CLEC9A: variants seen among roughly 807,000 people sequenced by gnomAD.
CLEC9A encodes the protein C-type lectin domain family 9 member A.
A neutral mutation model predicts 30.0 loss-of-function variants in CLEC9A; 24 were observed. The ratio of observed to expected loss-of-function variants is 0.80; its 90% CI spans 0.58 to 1.13. The LOEUF (loss-of-function observed/expected upper bound fraction) is 1.13. Among genes scored for constraint, CLEC9A ranks in the 50% most tolerant of loss-of-function variants. The probability of loss-of-function intolerance (pLI) is 0.00; values close to 1 mark genes in which losing one functional copy is unlikely to be tolerated. For missense variants in CLEC9A, 251 were observed against 280.9 expected, an observed-to-expected ratio of 0.89 and a Z score of 0.76; for synonymous variants, 111 against 96.8, an observed-to-expected ratio of 1.15 and a Z score of -0.86.
rs1386877211 is a variant in CLEC9A, at chr12:10,052,760, T to C, written c.73T>C (p.Ser25Pro). The change falls in exon 4 of 9, where the codon TCT becomes CCT. Residue 25 changes from serine (S) to proline (P), a missense_variant. Transcript: ENST00000355819. ...PAPDTYQKCL[S>P]SNKCSGACCL... ...ACCAGACACTTACCAGAAATGTCTG[T>C]CTTCCAACAAATGTTCAGGTAACCA... is the stretch of plus-strand genomic sequence containing the variant. 1 of 1,613,574 alleles carries C rather than the reference T, an allele frequency of 6.2e-7. No individual in the cohort carries two copies.
intron 2 of CLEC9A, among the ~76,000 whole-genome samples, chr12:10,041,920 T>TA (rs1469856711): frequency 1.3e-5 from 2 of 152,236 alleles, no homozygotes. Flanking sequence ...TGTCCTGTGT[T>TA]GTTCTAACTT....
At chr12:10,046,658 A>G (rs10505747) in intron 2 of CLEC9A, among the ~76,000 whole-genome samples, 7,273 of 152,270 alleles carry the variant, frequency 0.048, 426 homozygotes, top group African/African-American at 0.14. Flanking sequence ...CAATTTATAA[A>G]CATGATTCTC....
chr12:10,044,467 A>G (rs538068378), intron 2 of CLEC9A, among the ~76,000 whole-genome samples: 26 of 152,292 alleles, frequency 1.7e-4, no homozygotes, highest in African/African-American at 6.3e-4. Context: ...CTCATTCACA[A>G]TATTGCAGAC....
chr12:10,055,928 G>T (rs1385597223), intron 5 of CLEC9A, among the ~76,000 whole-genome samples: 1 of 151,322 alleles, frequency 6.6e-6, no homozygotes, highest in Non-Finnish European at 1.5e-5. Flanking sequence ...GAGTGGTGGG[G>T]TGCGCCTGTA....
intron 2 of CLEC9A, among the ~76,000 whole-genome samples, chr12:10,042,785 C>T (rs1865808904): frequency 6.6e-6 from 1 of 152,184 alleles, no homozygotes; most frequent in Admixed American, 6.5e-5. Flanking sequence ...CTATAGGGAA[C>T]ATTTTATAGG....
chr12:10,054,078 T>C (rs181433443), intron 4 of CLEC9A, among the ~76,000 whole-genome samples, 193 bp from the exon 5 acceptor site: 1 of 152,356 alleles, frequency 6.6e-6, no homozygotes, highest in Non-Finnish European at 1.5e-5. Context: ...ATATTCCAAG[T>C]TATGAGTTGT....
Position 10,065,877 on chromosome 12 carries a change from A to G in CLEC9A, c.*245A>G. 2.6e-6 allele frequency: 1 copy of G among 385,338 alleles called. No individual in the cohort carries two copies. Among genetic ancestry groups the G allele is most frequent in the Admixed American group, 4.3e-5 (1 of 23,106 alleles). The allele number at this position is 385,338 out of a possible 1,614,324, so 23.9% of individuals were successfully genotyped here. ...ACAGAAGACAAAACCCTGAAGAGTT[A>G]AGAACAAACGCAAGGAAATAATTTT... On this transcript the variant is annotated 3_prime_UTR_variant, in exon 9 of 9. Transcript: ENST00000355819.
chr12:10,059,903 C>T (rs995034322), intron 5 of CLEC9A, among the ~76,000 whole-genome samples: 2 of 152,016 alleles, frequency 1.3e-5, no homozygotes, highest in Non-Finnish European at 1.5e-5. Flanking sequence ...CATGAAAAGA[C>T]GTTTCACCAG....
At chr12:10,038,424 A>G (rs1865761616) in intron 1 of CLEC9A, among the ~76,000 whole-genome samples, 1 of 152,260 alleles carries the variant, frequency 6.6e-6, no homozygotes, top group Non-Finnish European at 1.5e-5. Flanking sequence ...AAATATGTAC[A>G]AGCTATGCCA....
intron 4 of CLEC9A, 100 bp downstream of exon 4, chr12:10,052,878 A>G: frequency 7.5e-7 from 1 of 1,328,994 alleles, no homozygotes; most frequent in African/African-American, 1.5e-5. Context: ...AATCCGAGAT[A>G]ATCTACCTAA....
At chr12:10,038,083 G>C (rs1386666938) in intron 1 of CLEC9A, among the ~76,000 whole-genome samples, 1 of 152,164 alleles carries the variant, frequency 6.6e-6, no homozygotes, top group Non-Finnish European at 1.5e-5. Context: ...CTTACGACTG[G>C]GAACCACTGA....
At chr12:10,065,299 T>C (rs1310668071) in intron 8 of CLEC9A, among the ~76,000 whole-genome samples, 1 of 152,216 alleles carries the variant, frequency 6.6e-6, no homozygotes, top group Admixed American at 6.5e-5. Flanking sequence ...TTTCTTTACA[T>C]GCTGTTTTTG....
intron 2 of CLEC9A, among the ~76,000 whole-genome samples, chr12:10,051,661 G>T (rs1053639269): frequency 3.3e-5 from 5 of 152,124 alleles, no homozygotes; most frequent in African/African-American, 1.2e-4. Context: ...GTGTAATTTT[G>T]CATATTATTG....
intron 5 of CLEC9A, among the ~76,000 whole-genome samples, chr12:10,059,805 A>G (rs1031146994): frequency 1.3e-5 from 2 of 152,212 alleles, no homozygotes; most frequent in African/African-American, 4.8e-5. Context: ...GTAAATCAAT[A>G]TCTGACAAAG....
In CLEC9A at chr12:10,030,852, G is replaced by A. The variant is rs774015715; in HGVS notation, c.-438G>A. On this transcript the variant is annotated 5_prime_UTR_variant, in exon 1 of 9. The change creates a new upstream start codon in the 5' untranslated region. Coordinates refer to ENST00000355819, the MANE Select transcript of CLEC9A (RefSeq NM_207345.4). ...CAGATGATTAAACCCAGCCATTTATGTGACAATAGCATTTTTATTTTTCTT... is the reference window on the plus strand; with the variant it reads ...CAGATGATTAAACCCAGCCATTTATATGACAATAGCATTTTTATTTTTCTT... The A allele has an allele frequency of 2.0e-5, 3 of 152,232 alleles. No homozygotes were observed. The highest frequency in any genetic ancestry group is 1.9e-4 in the East Asian group (1 of 5,206). The allele number at this position is 152,232 out of a possible 1,614,324, so 9.4% of individuals were successfully genotyped here. A position where few individuals can be genotyped will look rare whatever the true frequency, so the allele number is the denominator to read the frequency against.
Position 10,034,133 on chromosome 12 carries a change from ACAC to A in CLEC9A, c.-318+3162_-318+3164del, listed in dbSNP as rs575688837. ...GCTGATTGATTCAAATCCTGGATCAACACTTACTTGCCCTGTGGCTTTTGGCAA... is the reference window on the plus strand; with the variant it reads ...GCTGATTGATTCAAATCCTGGATCAATTACTTGCCCTGTGGCTTTTGGCAA... On this transcript the variant is annotated intron_variant, in intron 1 of 8. Coordinates refer to ENST00000355819, the MANE Select transcript of CLEC9A (RefSeq NM_207345.4). Among the ~76,000 whole-genome samples, 37 of 152,382 alleles carry A rather than the reference ACAC, an allele frequency of 2.4e-4. No homozygotes were observed. The South Asian group carries it at 5.4e-3, about 22-fold the overall frequency.
At chr12:10,047,888 G>A (rs575040336) in intron 2 of CLEC9A, among the ~76,000 whole-genome samples, 4 of 152,318 alleles carry the variant, frequency 2.6e-5, no homozygotes, top group African/African-American at 9.6e-5. Flanking sequence ...ACTGATCAGA[G>A]TGGTGGTTGC....
In CLEC9A at chr12:10,061,239, T is replaced by C; in HGVS notation, c.285T>C (p.Tyr95=). ...GAAGCTGTGCCCTTCAGATGAAATA[T>C]TGCCAAGCCTTCATGCAAAACTCAT... ...WKRSCALQMK[Y]CQAFMQNSLS... Residue 95 remains tyrosine (Y), a synonymous_variant, in exon 6 of 9, where the codon TAT becomes TAC. Transcript: ENST00000355819. 6.2e-7 allele frequency: 1 copy of C among 1,612,098 alleles called. No homozygotes were observed. The highest frequency in any genetic ancestry group is 8.5e-7 in the Non-Finnish European group (1 of 1,179,388).
In CLEC9A at chr12:10,058,070, A is replaced by G. The variant is rs959548161; in HGVS notation, c.173-3057A>G. On this transcript the variant is annotated intron_variant, in intron 5 of 8. Coordinates refer to ENST00000355819, the MANE Select transcript of CLEC9A (RefSeq NM_207345.4). ...CAGATTTATTACAACTTCAACCCCA[A>G]TAAAGGTGCTATATTTTGCTTCCCA... Among the ~76,000 whole-genome samples the G allele has an allele frequency of 3.9e-5, 6 of 152,200 alleles. No homozygotes were observed. The East Asian group carries it at 1.2e-3, about 29-fold the overall frequency.
Sources: gnomAD v4.1 joint callset for allele counts (sites outside exome capture counted in the v4.1 genomes callset) on GRCh38, gnomAD v4.1.1 for gene constraint, MANE v1.5 for transcripts, NCBI Gene and HGNC (gene_info 2026-07-23, HGNC 2026-07-21) for gene names.